SERGEF: variants seen among roughly 807,000 people sequenced by gnomAD.
SERGEF encodes secretion-regulating guanine nucleotide exchange factor.
SERGEF carries 51 observed loss-of-function variants against 50.0 expected under a neutral mutation model. The ratio of observed to expected loss-of-function variants is 1.02; its 90% CI spans 0.81 to 1.29. The LOEUF (loss-of-function observed/expected upper bound fraction) is 1.29. SERGEF is among the 50% of genes most tolerant of loss of function. The pLI is 0.00. For synonymous variants in SERGEF, 205 were observed against 212.4 expected (o/e 0.97, Z 0.30); for missense variants, 521 against 557.0 (o/e 0.94, Z 0.65).
intron 9 of SERGEF, among the ~76,000 whole-genome samples, chr11:17,923,350 G>A (rs1852191964): frequency 6.6e-6 from 1 of 152,208 alleles, no homozygotes; most frequent in Admixed American, 6.5e-5. Flanking sequence ...TGGGGTGAGA[G>A]GGACTCGGTG....
chr11:17,880,555 G>C (rs546771059), intron 9 of SERGEF, among the ~76,000 whole-genome samples: 56 of 152,198 alleles, frequency 3.7e-4, no homozygotes, highest in African/African-American at 1.3e-3. Flanking sequence ...GCATGAATAA[G>C]AATGGAAGGA....
intron 10 of SERGEF, among the ~76,000 whole-genome samples, chr11:17,861,192 G>A (rs1370116600): frequency 6.6e-6 from 1 of 152,210 alleles, no homozygotes; most frequent in Non-Finnish European, 1.5e-5. Context: ...CGAAACACCA[G>A]AAAGAGCACT....
At chr11:18,010,940 A>AAC (rs1280041621) in intron 1 of SERGEF, among the ~76,000 whole-genome samples, 1 of 152,184 alleles carries the variant, frequency 6.6e-6, no homozygotes, top group Non-Finnish European at 1.5e-5. Flanking sequence ...AAGGCTGCTG[A>AAC]ACACCTGGGA....
At chr11:17,937,194 G>A (rs1028354953) in intron 9 of SERGEF, among the ~76,000 whole-genome samples, 1 of 152,012 alleles carries the variant, frequency 6.6e-6, no homozygotes, top group African/African-American at 2.4e-5. Context: ...TATCTATAAT[G>A]TCTCATATTT....
chr11:17,824,344 C>T (rs1050988596), intron 10 of SERGEF, among the ~76,000 whole-genome samples: 6 of 151,600 alleles, frequency 4.0e-5, no homozygotes, highest in Admixed American at 2.6e-4. Context: ...TCCCTTCTAT[C>T]TGGCTGAATA....
At chr11:17,954,566 T>G (rs1852828624) in intron 9 of SERGEF, among the ~76,000 whole-genome samples, 1 of 152,226 alleles carries the variant, frequency 6.6e-6, no homozygotes, top group African/African-American at 2.4e-5. Flanking sequence ...TGTGCACAGG[T>G]TGATCCTTTA....
intron 5 of SERGEF, among the ~76,000 whole-genome samples, chr11:17,998,102 A>G (rs1853875069): frequency 6.6e-6 from 1 of 152,174 alleles, no homozygotes. Flanking sequence ...ATACATATCA[A>G]CTAATTACAA....
At chr11:17,793,670 T>C (rs1483131056) in intron 10 of SERGEF, among the ~76,000 whole-genome samples, 1 of 152,246 alleles carries the variant, frequency 6.6e-6, no homozygotes, top group African/African-American at 2.4e-5. Context: ...GCAGTGTGCT[T>C]GGCACTTGTC....
intron 10 of SERGEF, among the ~76,000 whole-genome samples, chr11:17,793,759 G>A (rs1020414620): frequency 3.9e-5 from 6 of 152,208 alleles, no homozygotes; most frequent in Non-Finnish European, 5.9e-5. Context: ...GCTGAGACTT[G>A]GGTGGAGAGC....
At position 18,012,931 on chromosome 11, in the gene SERGEF, C is replaced by A. The variant is rs770774301; in HGVS notation, c.60+20G>T. The A allele has an allele frequency of 2.8e-5, 43 of 1,519,352 alleles. No individual in the cohort carries two copies. In the South Asian group the frequency reaches 5.0e-4, roughly 18 times the overall value. 94.1% of individuals were successfully genotyped at this position (1,519,352 alleles called of 1,614,324 possible). On this transcript the variant is annotated intron_variant, in intron 1 of 10. Coordinates refer to ENST00000265965, the MANE Select transcript of SERGEF (RefSeq NM_012139.4). ...GGCGCCCCTCAGGGCCTGCACCGGCCCGGGGGCGGAGTCACGTACCCAGGC... is the reference window on the plus strand; with the variant it reads ...GGCGCCCCTCAGGGCCTGCACCGGCACGGGGGCGGAGTCACGTACCCAGGC...
At chr11:17,988,821 AG>A in intron 7 of SERGEF, 66 bp from the exon 8 acceptor site, 5 of 1,495,998 alleles carry the variant, frequency 3.3e-6, no homozygotes, top group Non-Finnish European at 4.6e-6. Flanking sequence ...GGAAAATAAC[AG>A]AAGTCTAAAA....
chr11:17,865,603 CA>C (rs1851008121), intron 10 of SERGEF, among the ~76,000 whole-genome samples: 1 of 150,664 alleles, frequency 6.6e-6, no homozygotes, highest in Admixed American at 6.6e-5. Context: ...GTGTTTTAAA[CA>C]AAAAAGTTTA....
At chr11:17,891,070 C>G (rs961716456) in intron 9 of SERGEF, among the ~76,000 whole-genome samples, 2 of 152,162 alleles carry the variant, frequency 1.3e-5, no homozygotes, top group Non-Finnish European at 2.9e-5. Context: ...AACTAAACTT[C>G]TGATCAACAA....
chr11:17,888,197 G>A lies in SERGEF; in HGVS notation c.1012-9953C>T, dbSNP rs996519402. 1.3e-5 allele frequency among the ~76,000 whole-genome samples: 2 copies of A among 152,146 alleles called. No individual in the cohort carries two copies. The highest frequency in any genetic ancestry group is 2.9e-5 in the Non-Finnish European group (2 of 68,028). The stretch of plus-strand genomic sequence containing the variant: ...ACCGGCCCCTAGTGCCAAAAAGGTT[G>A]GGGACTGCTGCTTTACAGCAGTGGG... On this transcript the variant is annotated intron_variant, in intron 9 of 10. Coordinates refer to ENST00000265965, the MANE Select transcript of SERGEF (RefSeq NM_012139.4). The surrounding 1 kb of genome is among the most constrained non-coding windows in gnomAD (Gnocchi z 4.1).
intron 9 of SERGEF, chr11:17,918,660 ACACT>A (rs1565204582): frequency 1.1e-5 from 5 of 447,028 alleles, no homozygotes; most frequent in African/African-American, 8.2e-5. Flanking sequence ...ACATACACAC[ACACT>A]CTCTCTCTCT....
At chr11:17,817,325 C>T (rs1377047891) in intron 10 of SERGEF, among the ~76,000 whole-genome samples, 1 of 151,798 alleles carries the variant, frequency 6.6e-6, no homozygotes, top group African/African-American at 2.4e-5. Flanking sequence ...TGCCATTCTC[C>T]TGCCTCAGCC....
chr11:18,012,787 G>GC, intron 1 of SERGEF, 164 bp downstream of exon 1: 2 of 700,288 alleles, frequency 2.9e-6, no homozygotes, highest in Non-Finnish European at 4.2e-6. Flanking sequence ...CCGCCCGCCC[G>GC]CTCCTCCTCC....
intron 9 of SERGEF, among the ~76,000 whole-genome samples, chr11:17,896,371 C>A (rs1851620364): frequency 6.6e-6 from 1 of 151,924 alleles, no homozygotes; most frequent in Non-Finnish European, 1.5e-5. Flanking sequence ...AACCATAGGT[C>A]AGAGAAGTTA....
intron 8 of SERGEF, among the ~76,000 whole-genome samples, chr11:17,975,838 C>T (rs1488522628): frequency 6.6e-6 from 1 of 152,174 alleles, no homozygotes; most frequent in Non-Finnish European, 1.5e-5. Context: ...TATCATCTGG[C>T]CCAGGTCAAG....
Sources: allele counts gnomAD v4.1 joint callset (sites outside exome capture counted in the v4.1 genomes callset), GRCh38; gene constraint gnomAD v4.1.1; non-coding constraint Gnocchi (gnomAD v3.1); transcripts MANE v1.5; gene names NCBI Gene and HGNC (gene_info 2026-07-23, HGNC 2026-07-21).